Variants in EXOC4 observed in about 807,000 individuals in gnomAD.
EXOC4 encodes the protein exocyst complex component 4.
Under a neutral mutation model 107.2 loss-of-function variants are expected in EXOC4, and 71 were observed. That is an observed-to-expected ratio of 0.66 (90% CI 0.55 to 0.81). EXOC4 has a LOEUF of 0.81. Among genes scored for constraint, EXOC4 ranks in the 30% least tolerant of loss-of-function variants. The pLI is 0.00. For missense variants in EXOC4, 1,108 were observed against 1,189.6 expected, an observed-to-expected ratio of 0.93 and a Z score of 1.01; for synonymous variants, 456 against 441.2, an observed-to-expected ratio of 1.03 and a Z score of -0.42.
chr7:134,037,593 C>T (rs1052977964), intron 17 of EXOC4, among the ~76,000 whole-genome samples: 1 of 152,144 alleles, frequency 6.6e-6, no homozygotes, highest in South Asian at 2.1e-4. Context: ...GAGCAATGTT[C>T]CTGTAGCTTT....
chr7:133,825,842 AT>A (rs998395268), intron 11 of EXOC4, among the ~76,000 whole-genome samples: 27 of 151,826 alleles, frequency 1.8e-4, no homozygotes, highest in East Asian at 5.8e-4. Context: ...TGATCAATTG[AT>A]TTTTTTTCCC....
intron 14 of EXOC4, among the ~76,000 whole-genome samples, chr7:133,965,180 T>A (rs1163182536): frequency 6.6e-6 from 1 of 152,256 alleles, no homozygotes; most frequent in Non-Finnish European, 1.5e-5. Flanking sequence ...TGGGATTGTT[T>A]GTTTTTTCTT....
intron 9 of EXOC4, among the ~76,000 whole-genome samples, chr7:133,510,979 G>A (rs530046539): frequency 1.8e-4 from 28 of 152,212 alleles, no homozygotes; most frequent in African/African-American, 5.8e-4. Context: ...AGGAAAAGCC[G>A]AAAGAGTATA....
At chr7:134,022,870 T>A (rs1795058443) in intron 17 of EXOC4, among the ~76,000 whole-genome samples, 1 of 152,248 alleles carries the variant, frequency 6.6e-6, no homozygotes, top group South Asian at 2.1e-4. Flanking sequence ...AAATAATTCA[T>A]GTTAATCTTG....
chr7:133,433,424 G>A (rs1467770273), intron 7 of EXOC4, among the ~76,000 whole-genome samples: 2 of 152,204 alleles, frequency 1.3e-5, no homozygotes, highest in Non-Finnish European at 2.9e-5. Context: ...ATTGTTTGCC[G>A]TGAGAAGAAC....
At chr7:133,589,130 C>T (rs920255044) in intron 9 of EXOC4, among the ~76,000 whole-genome samples, 51 of 152,280 alleles carry the variant, frequency 3.3e-4, no homozygotes, top group Admixed American at 3.3e-3. Flanking sequence ...TAGTCCTTCC[C>T]TAAAGAACTG....
Position 133,413,836 on chromosome 7 carries a change from G to C in EXOC4, c.1182+38834G>C, listed in dbSNP as rs893157074. Among the ~76,000 whole-genome samples the C allele has an allele frequency of 3.9e-5, 6 of 152,164 alleles. No homozygotes were observed. In the East Asian group the frequency reaches 1.2e-3, roughly 29 times the overall value. ...ATACTTTCCTGGTTTGGCCCATAGT[G>C]ACTGATCAGTGAAGGGGGTATAAAG... is the stretch of plus-strand genomic sequence containing the variant. On this transcript the variant is annotated intron_variant, in intron 7 of 17. Coordinates refer to ENST00000253861, the MANE Select transcript of EXOC4 (RefSeq NM_021807.4).
chr7:134,022,831 T>C (rs1258718290), intron 17 of EXOC4, among the ~76,000 whole-genome samples: 1 of 152,228 alleles, frequency 6.6e-6, no homozygotes, highest in Non-Finnish European at 1.5e-5. Flanking sequence ...CTCCTCAAAA[T>C]AGGAATTGTT....
chr7:133,407,871 C>G (rs1282591804), intron 7 of EXOC4, among the ~76,000 whole-genome samples: 2 of 152,010 alleles, frequency 1.3e-5, no homozygotes, highest in African/African-American at 4.8e-5. Context: ...TTTGTCCTCT[C>G]AATAATTATG....
At chr7:134,006,461 A>C (rs1397234750) in intron 16 of EXOC4, among the ~76,000 whole-genome samples, 1 of 152,132 alleles carries the variant, frequency 6.6e-6, no homozygotes, top group Non-Finnish European at 1.5e-5. Context: ...CTTCATATTC[A>C]AATAGTAACA....
At chr7:133,265,447 A>G (rs1475815064) in intron 1 of EXOC4, among the ~76,000 whole-genome samples, 5 of 151,940 alleles carry the variant, frequency 3.3e-5, no homozygotes, top group Admixed American at 6.6e-5. Context: ...AACAAGAGAG[A>G]AGGTAGCACG....
chr7:133,472,830 TTAAGGGGACTTTACTGATGA>T (rs1337548873), intron 7 of EXOC4, among the ~76,000 whole-genome samples: 10 of 152,100 alleles, frequency 6.6e-5, no homozygotes, highest in African/African-American at 1.7e-4. Flanking sequence ...GAGGTAACAA[TTAAGGGGACTTTACTGATGA>T]TAAGGGGACT....
chr7:133,311,237 T>C (rs1794863994), intron 4 of EXOC4, among the ~76,000 whole-genome samples: 1 of 151,730 alleles, frequency 6.6e-6, no homozygotes, highest in African/African-American at 2.4e-5. Flanking sequence ...TGAAGGGAGG[T>C]TATGAGGGGG....
At chr7:133,998,605 A>G (rs1241383680) in intron 15 of EXOC4, among the ~76,000 whole-genome samples, 3 of 152,182 alleles carry the variant, frequency 2.0e-5, no homozygotes, top group Non-Finnish European at 4.4e-5. Context: ...AGAATAAGGC[A>G]CAGGAGACAG....
At chr7:133,696,306 G>C (rs1377223203) in intron 10 of EXOC4, among the ~76,000 whole-genome samples, 1 of 152,134 alleles carries the variant, frequency 6.6e-6, no homozygotes, top group Non-Finnish European at 1.5e-5. Flanking sequence ...CAGACCACCT[G>C]ACACCAACCA....
At chr7:133,805,677 T>G (rs1797058490) in intron 10 of EXOC4, among the ~76,000 whole-genome samples, 1 of 151,976 alleles carries the variant, frequency 6.6e-6, no homozygotes. Flanking sequence ...AGGAAGGAGA[T>G]AGGGGGACAG....
intron 10 of EXOC4, among the ~76,000 whole-genome samples, chr7:133,635,755 G>C (rs575424454): frequency 6.6e-6 from 1 of 152,148 alleles, no homozygotes; most frequent in African/African-American, 2.4e-5. Flanking sequence ...TCAGGAACAA[G>C]TACACCCTGG....
chr7:133,421,432 G>C (rs1416989412), intron 7 of EXOC4, among the ~76,000 whole-genome samples: 1 of 152,182 alleles, frequency 6.6e-6, no homozygotes, highest in Non-Finnish European at 1.5e-5. Flanking sequence ...CTAACGTAAA[G>C]AGATTAGAAT....
At chr7:133,908,993 C>T (rs919314203) in intron 12 of EXOC4, among the ~76,000 whole-genome samples, 4 of 152,168 alleles carry the variant, frequency 2.6e-5, no homozygotes, top group African/African-American at 9.7e-5. Flanking sequence ...CCCTAGCCCC[C>T]TAACTCCCGA....
Sources: allele counts gnomAD v4.1 joint callset (sites outside exome capture counted in the v4.1 genomes callset), GRCh38; gene constraint gnomAD v4.1.1; transcripts MANE v1.5; gene names NCBI Gene and HGNC (gene_info 2026-07-23, HGNC 2026-07-21).